The following REV1 variants were observed in gnomAD, a reference collection of about 807,000 sequenced individuals.
The protein encoded by REV1 is REV1 DNA directed polymerase.
Under a neutral mutation model 137.4 loss-of-function variants are expected in REV1, and 42 were observed. The observed-to-expected ratio is 0.31, with a 90% CI of 0.24 to 0.40. REV1 has a LOEUF of 0.40. REV1 is among the 10% of genes least tolerant of loss of function. REV1 has a pLI of 1.00. For synonymous variants in REV1, 524 were observed against 519.2 expected (o/e 1.01, Z -0.12); for missense variants, 1,282 against 1,490.1 (o/e 0.86, Z 2.30).
At chr2:99,446,111 G>A (rs1412767803) in intron 4 of REV1, among the ~76,000 whole-genome samples, 2 of 152,100 alleles carry the variant, frequency 1.3e-5, no homozygotes, top group African/African-American at 4.8e-5. Flanking sequence ...ATGGACTCCT[G>A]GCATTTAAGA....
intron 14 of REV1, among the ~76,000 whole-genome samples, chr2:99,410,080 A>G (rs28382954): frequency 0.62 from 93,567 of 151,654 alleles, 29,630 homozygotes; most frequent in African/African-American, 0.74. Context: ...GCGCGATCTC[A>G]GCTCACTGCA....
chr2:99,407,298 C>T (rs1369544957), intron 15 of REV1, among the ~76,000 whole-genome samples: 1 of 151,476 alleles, frequency 6.6e-6, no homozygotes, highest in Admixed American at 6.6e-5. Context: ...TGCCTGTAAT[C>T]CCAGCACTTT....
At chr2:99,477,061 T>C (rs897541511) in intron 1 of REV1, among the ~76,000 whole-genome samples, 2 of 99,094 alleles carry the variant, frequency 2.0e-5, no homozygotes, top group African/African-American at 8.1e-5. Context: ...GTTGATCTCA[T>C]AAGTGAGGGT....
intron 1 of REV1, among the ~76,000 whole-genome samples, chr2:99,485,622 G>A (rs768247744): frequency 1.3e-5 from 2 of 152,128 alleles, no homozygotes; most frequent in East Asian, 1.9e-4. Context: ...TCTGGTGGGC[G>A]GTTGTTGAGA....
At chr2:99,478,537 A>G (rs1686234670) in intron 1 of REV1, among the ~76,000 whole-genome samples, 1 of 152,228 alleles carries the variant, frequency 6.6e-6, no homozygotes, top group African/African-American at 2.4e-5. Context: ...GAGAAGTGGT[A>G]TAATCTCACA....
Position 99,429,832 on chromosome 2 carries a change from C to T in REV1, c.1547+8G>A. On this transcript the variant is annotated splice_region_variant and intron_variant, in intron 9 of 22. Transcript: ENST00000258428. ...CATTAAGAATTGTAACACACAACTT[C>T]TACATACCTGGCCTCATAACTACAA... The T allele has an allele frequency of 1.3e-6, 2 of 1,514,954 alleles. No homozygotes were observed. The highest frequency in any genetic ancestry group is 1.8e-6 in the Non-Finnish European group (2 of 1,114,708). 93.8% of individuals were successfully genotyped at this position (1,514,954 alleles called of 1,614,324 possible). A position where few individuals can be genotyped will look rare whatever the true frequency, so the allele number is the denominator to read the frequency against.
At chr2:99,438,576 G>GA (rs1398626103) in intron 6 of REV1, 25 bp downstream of exon 6, 7 of 1,545,612 alleles carry the variant, frequency 4.5e-6, no homozygotes, top group African/African-American at 1.4e-5. Flanking sequence ...TGTTTCTTAA[G>GA]AAGACAATTT....
intron 1 of REV1, among the ~76,000 whole-genome samples, chr2:99,474,634 G>C (rs1685770395): frequency 6.6e-6 from 1 of 152,178 alleles, no homozygotes; most frequent in Admixed American, 6.5e-5. Flanking sequence ...GGGAGCGATG[G>C]CTCACGCCTG....
At chr2:99,454,906 C>T (rs1320425242) in intron 3 of REV1, among the ~76,000 whole-genome samples, 1 of 152,170 alleles carries the variant, frequency 6.6e-6, no homozygotes, top group South Asian at 2.1e-4. Flanking sequence ...ATTTAGCCCA[C>T]GTTTAGACCT....
chr2:99,454,313 G>A (rs566526445), intron 3 of REV1, among the ~76,000 whole-genome samples: 1 of 152,136 alleles, frequency 6.6e-6, no homozygotes, highest in South Asian at 2.1e-4. Context: ...ACTTTGGTAG[G>A]CCACAGCGGG....
intron 1 of REV1, among the ~76,000 whole-genome samples, chr2:99,479,987 G>A (rs972305434): frequency 1.3e-5 from 2 of 152,058 alleles, no homozygotes; most frequent in African/African-American, 4.8e-5. Flanking sequence ...GGGGTGACAT[G>A]AAGGCAAAGA....
At chr2:99,431,420 T>C (rs904540583) in intron 8 of REV1, among the ~76,000 whole-genome samples, 3 of 152,098 alleles carry the variant, frequency 2.0e-5, no homozygotes, top group South Asian at 4.1e-4. Flanking sequence ...AGTCCATTCA[T>C]CTAAGCTGAA....
intron 1 of REV1, among the ~76,000 whole-genome samples, chr2:99,475,978 G>A (rs935394124): frequency 1.3e-5 from 2 of 152,078 alleles, no homozygotes; most frequent in Non-Finnish European, 2.9e-5. Context: ...GTGAGACTTC[G>A]TCTCAAAAAA....
At chr2:99,458,128 G>A (rs1683740559) in intron 3 of REV1, among the ~76,000 whole-genome samples, 1 of 152,078 alleles carries the variant, frequency 6.6e-6, no homozygotes, top group South Asian at 2.1e-4. Flanking sequence ...AAAACGTTCT[G>A]CAAAAGACCA....
intron 3 of REV1, among the ~76,000 whole-genome samples, chr2:99,455,889 C>G (rs981062165): frequency 6.6e-6 from 1 of 152,112 alleles, no homozygotes; most frequent in African/African-American, 2.4e-5. Context: ...TGTCCGGGCC[C>G]CCCTCCACCT....
intron 9 of REV1, among the ~76,000 whole-genome samples, chr2:99,429,586 G>A (rs1281391275): frequency 6.6e-6 from 1 of 151,488 alleles, no homozygotes; most frequent in East Asian, 1.9e-4. Flanking sequence ...CAGTAAAAAC[G>A]ATGATCCCCA....
Position 99,402,750 on chromosome 2 carries a change from C to A in REV1, c.3435G>T (p.Gln1145His). The A allele has an allele frequency of 1.2e-6, 2 of 1,614,202 alleles. No homozygotes were observed. Among genetic ancestry groups the A allele is most frequent in the Non-Finnish European group, 1.7e-6 (2 of 1,180,042 alleles). Residue 1145 changes from glutamine (Q) to histidine (H), a missense_variant, in exon 21 of 23, where the codon CAG becomes CAT. Transcript: ENST00000258428. ...GTCTCACACAGCCAGCTGGGTCAGA[C>A]TGCAAACTAGAAAGGCCTGGCACAC... ...TSGVPGLSSL[Q>H]SDPAGCVRPP... is the part of the protein sequence containing the mutation.
chr2:99,405,777 A>G, intron 17 of REV1, 133 bp downstream of exon 17: 4 of 574,288 alleles, frequency 7.0e-6, no homozygotes, highest in East Asian at 6.4e-5. Context: ...CTACCCAAAC[A>G]AGTGGCCCGT....
At chr2:99,426,701 T>C (rs990398856) in intron 9 of REV1, among the ~76,000 whole-genome samples, 3 of 152,168 alleles carry the variant, frequency 2.0e-5, no homozygotes, top group Non-Finnish European at 2.9e-5. Context: ...CCAAAGTGTC[T>C]CAAAGTGTCT....
Sources: gnomAD v4.1 joint callset for allele counts (sites outside exome capture counted in the v4.1 genomes callset) on GRCh38, gnomAD v4.1.1 for gene constraint, MANE v1.5 for transcripts, NCBI Gene and HGNC (gene_info 2026-07-23, HGNC 2026-07-21) for gene names.